OSBPL9: variants seen among roughly 807,000 people sequenced by gnomAD.
OSBPL9 encodes oxysterol-binding protein-related protein 9.
In OSBPL9, 40 loss-of-function variants were observed where a neutral mutation model predicts 106.6. The observed-to-expected ratio is 0.38, with a 90% CI of 0.29 to 0.49. The LOEUF is 0.49. Ranked by LOEUF, OSBPL9 falls within the 20% of genes least tolerant of loss-of-function variation. OSBPL9 has a pLI of 0.97. For synonymous variants in OSBPL9, 269 were observed against 295.4 expected (o/e 0.91, Z 0.92); for missense variants, 609 against 887.2 (o/e 0.69, Z 3.98).
intron 2 of OSBPL9, among the ~76,000 whole-genome samples, chr1:51,611,920 A>C (rs1184805323): frequency 6.6e-6 from 1 of 152,236 alleles, no homozygotes; most frequent in African/African-American, 2.4e-5. Context: ...GGTTGCAGTG[A>C]GCTGAGATGG....
At chr1:51,571,889 T>C in the OSBPL9 span, among the ~76,000 whole-genome samples, 1 of 152,102 alleles carries the variant, frequency 6.6e-6, no homozygotes, top group Non-Finnish European at 1.5e-5. Context: ...AACCCAGGAC[T>C]CTTCTAAAGA....
At chr1:51,749,007 C>T (rs181244582) in intron 7 of OSBPL9, among the ~76,000 whole-genome samples, 57 of 152,016 alleles carry the variant, frequency 3.7e-4, no homozygotes, top group Non-Finnish European at 5.9e-4. Flanking sequence ...ATCGCTTGAA[C>T]TGGGGAGGCA....
chr1:51,696,828 CT>C (rs1007977718), intron 3 of OSBPL9, among the ~76,000 whole-genome samples: 142 of 151,070 alleles, frequency 9.4e-4, no homozygotes, highest in Admixed American at 1.5e-3. Context: ...TTATTTTTAT[CT>C]TTTTTGCTTA....
At chr1:51,612,553 G>A (rs558414693), upstream of OSBPL9, among the ~76,000 whole-genome samples, 4 of 152,336 alleles carry the variant, frequency 2.6e-5, no homozygotes, top group African/African-American at 9.6e-5. Flanking sequence ...ATTATTTAAA[G>A]AATGTAGTTT....
At chr1:51,752,228 G>A (rs1228194016) in intron 8 of OSBPL9, among the ~76,000 whole-genome samples, 4 of 151,642 alleles carry the variant, frequency 2.6e-5, no homozygotes, top group Admixed American at 6.6e-5. Context: ...GGCAAGACAA[G>A]CTTCCCCCCT....
At chr1:51,526,153 A>G in the OSBPL9 span, among the ~76,000 whole-genome samples, 3 of 152,258 alleles carry the variant, frequency 2.0e-5, no homozygotes, top group African/African-American at 7.2e-5. Flanking sequence ...CTGGGATTAC[A>G]GGGGTGAACA....
chr1:51,702,431 C>T (rs1383691783), intron 3 of OSBPL9, among the ~76,000 whole-genome samples: 3 of 152,220 alleles, frequency 2.0e-5, no homozygotes, highest in Non-Finnish European at 2.9e-5. Flanking sequence ...TGTCTGTTGG[C>T]TGCATAAATG....
At chr1:51,588,537 A>C (rs1429488999) in intron 1 of OSBPL9, among the ~76,000 whole-genome samples, 1 of 152,100 alleles carries the variant, frequency 6.6e-6, no homozygotes, top group East Asian at 1.9e-4. Flanking sequence ...CTGTGATTTT[A>C]ACTACTCAGG....
At chr1:51,711,566 A>T (rs1259652871) in intron 3 of OSBPL9, among the ~76,000 whole-genome samples, 1 of 130,140 alleles carries the variant, frequency 7.7e-6, no homozygotes. Context: ...GATGCTCCTC[A>T]CTTCCCAGAT....
At chr1:51,564,712 A>G in the OSBPL9 span, among the ~76,000 whole-genome samples, 1 of 152,176 alleles carries the variant, frequency 6.6e-6, no homozygotes. Flanking sequence ...TAGCCGTTTT[A>G]TGATTCCTAA....
At chr1:51,571,325 T>C in the OSBPL9 span, among the ~76,000 whole-genome samples, 1 of 152,312 alleles carries the variant, frequency 6.6e-6, no homozygotes, top group South Asian at 2.1e-4. Context: ...GGCTCTGTGG[T>C]AAACACTTTC....
intron 3 of OSBPL9, among the ~76,000 whole-genome samples, chr1:51,675,854 GATA>G (rs895635097): frequency 6.6e-6 from 1 of 151,880 alleles, no homozygotes; most frequent in Non-Finnish European, 1.5e-5. Flanking sequence ...AATATATTGG[GATA>G]ATAATAATAA....
Position 51,729,036 on chromosome 1 carries a change from G to A in OSBPL9, c.318+14957G>A, listed in dbSNP as rs1404347819. Among the ~76,000 whole-genome samples the A allele has an allele frequency of 6.6e-6, 1 of 152,160 alleles. No individual in the cohort carries two copies. The highest frequency in any genetic ancestry group is 2.4e-5 in the African/African-American group (1 of 41,424). The stretch of plus-strand genomic sequence containing the variant: ...TAATCACTTATGTTTGTGATTCCCT[G>A]CATTTTGGGTGATTCTCTGTCGAGG... On this transcript the variant is annotated intron_variant, in intron 4 of 23. Transcript: ENST00000428468. This position sits in a 1 kb window ranked among gnomAD's most constrained non-coding sequence, Gnocchi z 5.1.
chr1:51,632,069 C>G (rs1645139061), intron 1 of OSBPL9, among the ~76,000 whole-genome samples: 2 of 152,090 alleles, frequency 1.3e-5, no homozygotes, highest in South Asian at 4.1e-4. Flanking sequence ...AAGGACCTAC[C>G]TGAGGCTGTT....
chr1:51,678,450 C>T (rs1482168896), intron 3 of OSBPL9, among the ~76,000 whole-genome samples: 1 of 152,044 alleles, frequency 6.6e-6, no homozygotes, highest in Non-Finnish European at 1.5e-5. Flanking sequence ...CATCTGAGGT[C>T]AGGAGTTTGA....
intron 1 of OSBPL9, among the ~76,000 whole-genome samples, chr1:51,649,069 C>G (rs1310143420): frequency 6.6e-6 from 1 of 152,000 alleles, no homozygotes; most frequent in Non-Finnish European, 1.5e-5. Context: ...CCTTCAGGAT[C>G]TGGTCCCTGT....
intron 4 of OSBPL9, among the ~76,000 whole-genome samples, chr1:51,722,391 A>C (rs1479428853): frequency 6.6e-6 from 1 of 152,230 alleles, no homozygotes; most frequent in African/African-American, 2.4e-5. Flanking sequence ...AATTTTGAAA[A>C]TTAAGTGGTA....
chr1:51,635,826 A>G (rs544739543), intron 1 of OSBPL9, among the ~76,000 whole-genome samples: 8 of 152,040 alleles, frequency 5.3e-5, no homozygotes, highest in Non-Finnish European at 1.2e-4. Context: ...TATGTCCACA[A>G]TCCTCTGCCT....
At chr1:51,560,902 T>C in the OSBPL9 span, 1,097 of 152,246 alleles carry the variant, frequency 7.2e-3, 3 homozygotes, top group Non-Finnish European at 0.013. Context: ...AAGGATCACG[T>C]AGGACCAGCA....
Sources: gnomAD v4.1 joint callset for allele counts (sites outside exome capture counted in the v4.1 genomes callset) on GRCh38, gnomAD v4.1.1 for gene constraint, Gnocchi (gnomAD v3.1) non-coding constraint, MANE v1.5 for transcripts, NCBI Gene and HGNC (gene_info 2026-07-23, HGNC 2026-07-21) for gene names.